SATB1: variants seen among roughly 807,000 people sequenced by gnomAD.
SATB1 encodes the protein SATB homeobox 1, also known as DNA-binding protein SATB1.
SATB1 carries 11 observed loss-of-function variants against 86.9 expected under a neutral mutation model. That is an observed-to-expected ratio of 0.13 (90% CI 0.08 to 0.21). The LOEUF is 0.21. Ranked by LOEUF, SATB1 falls within the 10% of genes least tolerant of loss-of-function variation. The probability of loss-of-function intolerance (pLI) is 1.00; values close to 1 mark genes in which losing one functional copy is unlikely to be tolerated. For missense variants in SATB1, 551 were observed against 937.6 expected (o/e 0.59, Z 5.39); for synonymous variants, 357 against 357.2 (o/e 1.00, Z 0.01).
chr3:18,390,087 G>T (rs1696572314), intron 7 of SATB1, among the ~76,000 whole-genome samples: 1 of 151,980 alleles, frequency 6.6e-6, no homozygotes, highest in Admixed American at 6.6e-5. Flanking sequence ...AGTTGTAAAA[G>T]AAAGAAAAAA....
chr3:18,435,785 C>T (rs1007283313), intron 2 of SATB1, among the ~76,000 whole-genome samples: 2 of 152,070 alleles, frequency 1.3e-5, no homozygotes, highest in Admixed American at 6.5e-5. Context: ...AGGAGCATCA[C>T]ATGATTATTT....
At chr3:18,423,343 C>T (rs925637196) in intron 1 of SATB1, among the ~76,000 whole-genome samples, 1 of 152,126 alleles carries the variant, frequency 6.6e-6, no homozygotes, top group African/African-American at 2.4e-5. Context: ...CAATTATTTC[C>T]TTTAAAAGGA....
chr3:18,417,145 CG>C (rs1698158794), intron 2 of SATB1, 67 bp from the exon 3 acceptor site: 2 of 1,502,656 alleles, frequency 1.3e-6, no homozygotes, highest in African/African-American at 2.8e-5. Flanking sequence ...TTGGGGGTGG[CG>C]GGAGGAAATA....
At chr3:18,374,140 A>G (rs9310553) in intron 9 of SATB1, among the ~76,000 whole-genome samples, 93,107 of 152,046 alleles carry the variant, frequency 0.61, 29,097 homozygotes, top group East Asian at 0.93. Flanking sequence ...ACAATTCAGT[A>G]TACAAGGCAA....
intron 8 of SATB1, among the ~76,000 whole-genome samples, chr3:18,381,001 T>C (rs1405307710): frequency 1.3e-5 from 2 of 152,200 alleles, no homozygotes; most frequent in African/African-American, 4.8e-5. Flanking sequence ...GGAGGTAAAA[T>C]AAATGCAGTT....
At chr3:18,393,886 C>G (rs1696817507) in intron 7 of SATB1, among the ~76,000 whole-genome samples, 1 of 152,190 alleles carries the variant, frequency 6.6e-6, no homozygotes, top group African/African-American at 2.4e-5. Context: ...TGAGGGAGCG[C>G]ACACAGCTTA....
chr3:18,401,229 G>C, intron 5 of SATB1, among the ~76,000 whole-genome samples: 1 of 152,108 alleles, frequency 6.6e-6, no homozygotes, highest in African/African-American at 2.4e-5. Context: ...TCAATAAAAA[G>C]GGTCACTGAA....
intron 9 of SATB1, among the ~76,000 whole-genome samples, chr3:18,376,618 C>T (rs899098334): frequency 7.2e-5 from 11 of 151,884 alleles, no homozygotes; most frequent in Non-Finnish European, 1.5e-4. Context: ...CTCTTAAATG[C>T]GTAGTCTTGG....
chr3:18,388,669 C>G (rs963476972), intron 7 of SATB1, among the ~76,000 whole-genome samples: 8 of 152,038 alleles, frequency 5.3e-5, no homozygotes, highest in South Asian at 4.1e-4. Context: ...TGAGTCAATT[C>G]TAGTAGTAGT....
At chr3:18,420,066 C>T (rs531751275) in intron 2 of SATB1, among the ~76,000 whole-genome samples, 22 of 152,288 alleles carry the variant, frequency 1.4e-4, no homozygotes, top group Middle Eastern at 6.8e-3. Flanking sequence ...ACATGCATTA[C>T]ACCCAGGGTA....
In SATB1 at chr3:18,346,724, C is replaced by T. The variant is rs1300176060; in HGVS notation, c.*2446G>A. 6.6e-6 allele frequency: 1 copy of T among 152,020 alleles called. No homozygotes were observed. The highest frequency in any genetic ancestry group is 2.4e-5 in the African/African-American group (1 of 41,394). The allele number at this position is 152,020 out of a possible 1,614,324, so 9.4% of individuals were successfully genotyped here. A position where few individuals can be genotyped will look rare whatever the true frequency, so the allele number is the denominator to read the frequency against. Reference sequence around the variant, plus strand: ...GTTGATTACCAAACAAACATTCAAACATTCATCATTTCACTGAAAACACTA... The same window carrying T: ...GTTGATTACCAAACAAACATTCAAATATTCATCATTTCACTGAAAACACTA... On this transcript the variant is annotated 3_prime_UTR_variant, in exon 11 of 11. Coordinates refer to ENST00000338745, the MANE Select transcript of SATB1 (RefSeq NM_002971.6).
At chr3:18,357,341 G>C (rs1694695175) in intron 9 of SATB1, among the ~76,000 whole-genome samples, 1 of 151,834 alleles carries the variant, frequency 6.6e-6, no homozygotes, top group African/African-American at 2.4e-5. Flanking sequence ...CCATTAAATA[G>C]TACTTCTAAC....
rs892555676 is a variant in SATB1 at position 18,346,194 on chromosome 3, T to G, written c.*2976A>C. 1 of 152,108 alleles carries G rather than the reference T, an allele frequency of 6.6e-6. No individual in the cohort carries two copies. The highest frequency in any genetic ancestry group is 1.9e-4 in the East Asian group (1 of 5,190). 9.4% of individuals were successfully genotyped at this position (152,108 alleles called of 1,614,324 possible). A position where few individuals can be genotyped will look rare whatever the true frequency, so the allele number is the denominator to read the frequency against. ...TGGCAAGGAGATACTATCAACATTT[T>G]TTTTTGCATAATGTGCAAGTATTAT... On this transcript the variant is annotated 3_prime_UTR_variant, in exon 11 of 11. Coordinates refer to ENST00000338745, the MANE Select transcript of SATB1 (RefSeq NM_002971.6).
intron 7 of SATB1, among the ~76,000 whole-genome samples, chr3:18,388,259 C>A (rs1386575702): frequency 2.0e-5 from 3 of 151,906 alleles, no homozygotes; most frequent in Non-Finnish European, 2.9e-5. Flanking sequence ...TTAATTTGCA[C>A]AAGGCCACCT....
At chr3:18,364,263 T>C (rs1483460254) in intron 9 of SATB1, among the ~76,000 whole-genome samples, 2 of 152,122 alleles carry the variant, frequency 1.3e-5, no homozygotes, top group South Asian at 2.1e-4. Context: ...ATAAAATACA[T>C]AAGATTACAA....
At position 18,394,445 on chromosome 3, in the gene SATB1, T is replaced by C; in HGVS notation, c.1206+17A>G. 1 of 1,609,370 alleles carries C rather than the reference T, an allele frequency of 6.2e-7. No individual in the cohort carries two copies. Among genetic ancestry groups the C allele is most frequent in the Non-Finnish European group, 8.5e-7 (1 of 1,175,812 alleles). On this transcript the variant is annotated intron_variant, in intron 7 of 10. Transcript: ENST00000338745. This position sits in a 1 kb window ranked among gnomAD's most constrained non-coding sequence, Gnocchi z 5.9. ...AAATAGGAGACAGCACAGAACCACT[T>C]ATGAAACACAACTGACCTGAGTTCT... is the stretch of plus-strand genomic sequence containing the variant.
chr3:18,360,060 G>T (rs1243560401), intron 9 of SATB1, among the ~76,000 whole-genome samples: 4 of 152,032 alleles, frequency 2.6e-5, no homozygotes, highest in African/African-American at 9.7e-5. Flanking sequence ...CCTCTCTTAA[G>T]TTAGGGGAAA....
upstream of SATB1, among the ~76,000 whole-genome samples, chr3:18,427,078 A>G (rs557958750): frequency 6.6e-6 from 1 of 152,362 alleles, no homozygotes; most frequent in East Asian, 1.9e-4. Flanking sequence ...CAGAAAACAC[A>G]GCATCAAAAA....
intron 5 of SATB1, among the ~76,000 whole-genome samples, chr3:18,398,564 T>G (rs1336978294): frequency 6.6e-6 from 1 of 152,204 alleles, no homozygotes; most frequent in East Asian, 1.9e-4. Flanking sequence ...CAGTTATTAT[T>G]CATTCTCCTG....
Sources: gnomAD v4.1 joint callset for allele counts (sites outside exome capture counted in the v4.1 genomes callset) on GRCh38, gnomAD v4.1.1 for gene constraint, Gnocchi (gnomAD v3.1) non-coding constraint, MANE v1.5 for transcripts, NCBI Gene and HGNC (gene_info 2026-07-23, HGNC 2026-07-21) for gene names.